SLC23A3: variants seen among roughly 807,000 people sequenced by gnomAD.
SLC23A3 encodes the protein solute carrier family 23 member 3.
A neutral mutation model predicts 64.7 loss-of-function variants in SLC23A3; 41 were observed. The observed-to-expected ratio is 0.63, with a 90% CI of 0.49 to 0.82. SLC23A3 has a LOEUF of 0.82. Ranked by LOEUF, SLC23A3 falls within the 40% of genes least tolerant of loss-of-function variation. The pLI is 0.00. For missense variants in SLC23A3, 647 were observed against 733.4 expected (o/e 0.88, Z 1.36); for synonymous variants, 281 against 306.8 (o/e 0.92, Z 0.88).
chr2:219,169,328 G>A lies in SLC23A3; in HGVS notation c.399C>T (p.Ala133=). The A allele has an allele frequency of 6.2e-7, 1 of 1,614,208 alleles. No homozygotes were observed. Among genetic ancestry groups the A allele is most frequent in the South Asian group, 1.1e-5 (1 of 91,086 alleles). ...LVLTSQKLPR[A]IQTPGNSSLM... The stretch of plus-strand genomic sequence containing the variant: ...GCTCACAGTTTCCAGGTGTCTGGAT[G>A]GCCCGGGGTAGCTTCTGGCTGGTCA... Residue 133 remains alanine, a synonymous_variant, in exon 3 of 12, where the codon GCC becomes GCT. Transcript: ENST00000409878. This position sits in a 1 kb window ranked among gnomAD's most constrained non-coding sequence, Gnocchi z 4.5.
intron 10 of SLC23A3, among the ~76,000 whole-genome samples, chr2:219,162,935 G>A (rs968159031): frequency 6.6e-6 from 1 of 152,172 alleles, no homozygotes; most frequent in Non-Finnish European, 1.5e-5. Context: ...TCACCCAGTT[G>A]AGAACTGGGT....
intron 6 of SLC23A3, 42 bp downstream of exon 6, chr2:219,168,153 A>C (rs1285073372): frequency 6.2e-7 from 1 of 1,608,024 alleles, no homozygotes; most frequent in Non-Finnish European, 8.5e-7. Flanking sequence ...ACTCCAGGCC[A>C]GCCCTTCTGA....
rs1219433948 is a variant in SLC23A3 at position 219,168,894 on chromosome 2, C to T, written c.493-61G>A. ...TCTGCTCAATCAAACTGGCCTCAGC[C>T]TGGTCTTCCTAATTCTAAGTATGGG... On this transcript the variant is annotated intron_variant, in intron 4 of 11. Coordinates refer to ENST00000409878, the MANE Select transcript of SLC23A3 (RefSeq NM_001144889.2). 3 of 1,556,632 alleles carry T rather than the reference C, an allele frequency of 1.9e-6. No homozygotes were observed. The East Asian group carries it at 6.8e-5, about 35-fold the overall frequency.
At position 219,168,669 on chromosome 2, in the gene SLC23A3, G is replaced by A. The variant is rs1028532461; in HGVS notation, c.657C>T (p.His219=). 1 of 1,613,798 alleles carries A rather than the reference G, an allele frequency of 6.2e-7. No individual in the cohort carries two copies. The highest frequency in any genetic ancestry group is 8.5e-7 in the Non-Finnish European group (1 of 1,179,876). The change falls in exon 5 of 12, where the codon CAC becomes CAT. Residue 219 remains histidine (H), a synonymous_variant. Coordinates refer to ENST00000409878, the MANE Select transcript of SLC23A3 (RefSeq NM_001144889.2). ...TCACGTACAGCAAGGCCAACCCCCAGTGTGTGAAGCAGAACTGGGCTACCT... is the reference window on the plus strand; with the variant it reads ...TCACGTACAGCAAGGCCAACCCCCAATGTGTGAAGCAGAACTGGGCTACCT... ...HREVAQFCFT[H]WGLALLVILL...
chr2:219,164,530 G>T, intron 8 of SLC23A3, 192 bp from the exon 9 acceptor site: 1 of 500,626 alleles, frequency 2.0e-6, no homozygotes, highest in South Asian at 3.3e-5. Flanking sequence ...AGCACTTATT[G>T]CCTTCTGAAA....
At position 219,169,210 on chromosome 2, in the gene SLC23A3, C is replaced by G. The variant is rs1418966421; in HGVS notation, c.418+99G>C. On this transcript the variant is annotated intron_variant, in intron 3 of 11. Coordinates refer to ENST00000409878, the MANE Select transcript of SLC23A3 (RefSeq NM_001144889.2). The surrounding 1 kb of genome is among the most constrained non-coding windows in gnomAD (Gnocchi z 4.5). ...TCCAAGCCCCCTATAGTGTCACAGT[C>G]TCACCACTGCCCAATCTCAATTCTG... The G allele has an allele frequency of 7.5e-6, 12 of 1,610,198 alleles. No homozygotes were observed. The highest frequency in any genetic ancestry group is 1.1e-5 in the South Asian group (1 of 90,870).
rs753906067 is a variant in SLC23A3 at position 219,168,312 on chromosome 2, G to T, written c.681C>A (p.Ile227=). The part of the protein sequence containing the change: ...FTHWGLALLV[I]LLMVVCSQHL... ...GCTGAGAACAGACCACCATGAGCAG[G>T]ATAACCCTAGGAGACAGAAGGCTTT... Residue 227 remains isoleucine, a synonymous_variant, in exon 6 of 12, where the codon ATC becomes ATA. Coordinates refer to ENST00000409878, the MANE Select transcript of SLC23A3 (RefSeq NM_001144889.2). The T allele has an allele frequency of 6.2e-7, 1 of 1,603,640 alleles. No homozygotes were observed. Among genetic ancestry groups the T allele is most frequent in the South Asian group, 1.1e-5 (1 of 89,554 alleles).
rs1418272079 is a variant in SLC23A3, at chr2:219,162,336, A to G, written c.1500T>C (p.Ala500=). The change falls in exon 11 of 12, where the codon GCT becomes GCC. Residue 500 remains alanine (A), a synonymous_variant. Transcript: ENST00000409878. The part of the protein sequence containing the change: ...HSLLTQPIFL[A]GLSGFLLENT... ...TCTCTAGTAGGAAGCCTGAGAGTCC[A>G]GCCAGGAAGATGGGCTGTGTCAGCA... The G allele has an allele frequency of 6.2e-7, 1 of 1,614,156 alleles. No homozygotes were observed. Among genetic ancestry groups the G allele is most frequent in the Non-Finnish European group, 8.5e-7 (1 of 1,180,016 alleles).
At chr2:219,162,433 T>A in intron 10 of SLC23A3, 39 bp from the exon 11 acceptor site, 1 of 1,501,852 alleles carries the variant, frequency 6.7e-7, no homozygotes, top group Non-Finnish European at 9.2e-7. Flanking sequence ...GGAACTCTGA[T>A]CCTATATCCA....
chr2:219,169,894 G>A lies in SLC23A3; in HGVS notation c.91C>T (p.Pro31Ser). Residue 31 changes from proline to serine, a missense_variant, in exon 1 of 12, where the codon CCC becomes TCC. Transcript: ENST00000409878. The surrounding 1 kb of genome is among the most constrained non-coding windows in gnomAD (Gnocchi z 4.5). ...APLPPPAPQN[P>S]STHSWDPLCG... ...AAAGGGTCCCAAGAGTGGGTGGAGGGATTCTGGGGAGCAGGTGGAGGCAAG... is the reference window on the plus strand; with the variant it reads ...AAAGGGTCCCAAGAGTGGGTGGAGGAATTCTGGGGAGCAGGTGGAGGCAAG... 6.2e-7 allele frequency: 1 copy of A among 1,613,584 alleles called. No individual in the cohort carries two copies. The highest frequency in any genetic ancestry group is 1.3e-5 in the African/African-American group (1 of 75,004).
At position 219,169,941 on chromosome 2, in the gene SLC23A3, C is replaced by T; in HGVS notation, c.44G>A (p.Gly15Asp). 1.6e-5 allele frequency: 26 copies of T among 1,613,958 alleles called. No individual in the cohort carries two copies. The highest frequency in any genetic ancestry group is 2.2e-5 in the Non-Finnish European group (26 of 1,179,938). Residue 15 changes from glycine to aspartate, a missense_variant, in exon 1 of 12, where the codon GGC becomes GAC. Coordinates refer to ENST00000409878, the MANE Select transcript of SLC23A3 (RefSeq NM_001144889.2). This position sits in a 1 kb window ranked among gnomAD's most constrained non-coding sequence, Gnocchi z 4.5. ...PLNPSQLRSVGSQDALAPLPP... is the reference protein window; with the variant it reads ...PLNPSQLRSVDSQDALAPLPP... ...CAAGGGGGCCAGGGCATCCTGGGAG[C>T]CCACTGATCGGAGTTGGCTGGGATT... is the stretch of plus-strand genomic sequence containing the variant.
rs1950035029 is a variant in SLC23A3, at chr2:219,169,098, G to A, written c.423C>T (p.Ser141=). Residue 141 remains serine (S), a synonymous_variant, in exon 4 of 12, where the codon TCC becomes TCT. Coordinates refer to ENST00000409878, the MANE Select transcript of SLC23A3 (RefSeq NM_001144889.2). This position sits in a 1 kb window ranked among gnomAD's most constrained non-coding sequence, Gnocchi z 4.5. The part of the protein sequence containing the change: ...PRAIQTPGNS[S]LMLHLCRGPS... ...GTCCCCTACAAAGGTGCAGCATGAG[G>A]GAGGCTAGGAAAAGTTTGGGGCATG... 1 of 1,614,094 alleles carries A rather than the reference G, an allele frequency of 6.2e-7. No individual in the cohort carries two copies.
chr2:219,165,022 G>T, intron 8 of SLC23A3, 147 bp downstream of exon 8: 1 of 1,096,474 alleles, frequency 9.1e-7, no homozygotes, highest in Non-Finnish European at 1.3e-6. Flanking sequence ...CACTCTCTTA[G>T]CCCAAAGTCT....
Position 219,169,968 on chromosome 2 carries a change from AG to A in SLC23A3, c.16del (p.Leu6SerfsTer111). 6.2e-7 allele frequency: 1 copy of A among 1,613,768 alleles called. No homozygotes were observed. The highest frequency in any genetic ancestry group is 2.2e-5 in the East Asian group (1 of 44,856). ...CACTGATCGGAGTTGGCTGGGATTG[AG>A]GGGTGATCGGCTCATGCTGCCTTGC... is the stretch of plus-strand genomic sequence containing the variant. MSRSP[L>X]NPSQLRSVGS... On this transcript the variant is annotated frameshift_variant, in exon 1 of 12. Coordinates refer to ENST00000409878, the MANE Select transcript of SLC23A3 (RefSeq NM_001144889.2). LOFTEE classifies it high-confidence loss of function. This position sits in a 1 kb window ranked among gnomAD's most constrained non-coding sequence, Gnocchi z 4.5.
In SLC23A3 at chr2:219,168,037, A is replaced by T; in HGVS notation, c.806T>A (p.Ile269Asn). Residue 269 changes from isoleucine to asparagine, a missense_variant, in exon 7 of 12, where the codon ATC becomes AAC. Physicochemically the swap from Ile to Asn is moderately radical, Grantham distance 149. Transcript: ENST00000409878. ...LPVFRLLSVL[I>N]PVACVWIVSA... ...AACAATCCACACACAGGCCACTGGG[A>T]TCAGCACCTGAGGGGCGAGACTGAG... 1 of 1,584,360 alleles carries T rather than the reference A, an allele frequency of 6.3e-7. No individual in the cohort carries two copies.
rs371151238 is a variant in SLC23A3, at chr2:219,168,182, G to C, written c.798+13C>G. 6 of 1,613,392 alleles carry C rather than the reference G, an allele frequency of 3.7e-6. No homozygotes were observed. Among genetic ancestry groups the C allele is most frequent in the Non-Finnish European group, 5.1e-6 (6 of 1,179,662 alleles). The stretch of plus-strand genomic sequence containing the variant: ...CTTCTGACCTCTACTGCCCTGCCCA[G>C]ACCCACACATACCGAAAGGAGCCGG... On this transcript the variant is annotated intron_variant, in intron 6 of 11. Coordinates refer to ENST00000409878, the MANE Select transcript of SLC23A3 (RefSeq NM_001144889.2).
chr2:219,168,097 C>G (rs903383931), intron 6 of SLC23A3, 53 bp from the exon 7 acceptor site: 44 of 1,570,390 alleles, frequency 2.8e-5, no homozygotes, highest in Middle Eastern at 3.4e-4. Flanking sequence ...TCTGAGCCAG[C>G]CTTGCAGGGG....
chr2:219,168,806 G>GATACTAC lies in SLC23A3; in HGVS notation c.519_520insGTAGTAT (p.Leu174ValfsTer135). 1 of 1,597,102 alleles carries GATACTAC rather than the reference G, an allele frequency of 6.3e-7. No homozygotes were observed. On this transcript the variant is annotated frameshift_variant, in exon 5 of 12. Transcript: ENST00000409878. LOFTEE classifies it high-confidence loss of function. ...AGCAGCCCCATCATGCCCTGCAGCA[G>GATACTAC]CCCAGATACTACCACTGCCCCGGAC... is the stretch of plus-strand genomic sequence containing the variant.
intron 7 of SLC23A3, among the ~76,000 whole-genome samples, chr2:219,165,787 G>C (rs1433089157): frequency 1.3e-5 from 2 of 152,220 alleles, no homozygotes; most frequent in African/African-American, 4.8e-5. Context: ...CCTTTGTCTA[G>C]TTAGCTCCTA....
Sources: allele counts gnomAD v4.1 joint callset (sites outside exome capture counted in the v4.1 genomes callset), GRCh38; gene constraint gnomAD v4.1.1; non-coding constraint Gnocchi (gnomAD v3.1); transcripts MANE v1.5; gene names NCBI Gene and HGNC (gene_info 2026-07-23, HGNC 2026-07-21).